BAALC: variants seen among roughly 807,000 people sequenced by gnomAD.
BAALC encodes the protein brain and acute leukemia cytoplasmic protein.
Under a neutral mutation model 15.5 loss-of-function variants are expected in BAALC, and 9 were observed. The observed-to-expected ratio is 0.58, with a 90% CI of 0.35 to 1.02. BAALC has a LOEUF of 1.02. BAALC is among the 50% of genes least tolerant of loss of function. The pLI, the probability that BAALC is intolerant of heterozygous loss-of-function variation, is 0.02. For missense variants in BAALC, 201 were observed against 192.4 expected (o/e 1.04, Z -0.27); for synonymous variants, 80 against 74.6 (o/e 1.07, Z -0.37).
chr8:103,200,576 G>A, intron 1 of BAALC: 1 of 490,276 alleles, frequency 2.0e-6, no homozygotes, highest in Admixed American at 2.7e-5. Flanking sequence ...AAAGACAACA[G>A]GGACTGTCTT....
chr8:103,170,562 A>G (rs1196753541), intron 1 of BAALC, among the ~76,000 whole-genome samples: 1 of 152,194 alleles, frequency 6.6e-6, no homozygotes, highest in Non-Finnish European at 1.5e-5. Context: ...TGCATCTACA[A>G]ACCAAGGAAC....
intron 1 of BAALC, among the ~76,000 whole-genome samples, chr8:103,189,330 C>T (rs369309259): frequency 6.0e-4 from 91 of 152,202 alleles, no homozygotes; most frequent in African/African-American, 1.4e-3. Flanking sequence ...TCAAACTGTG[C>T]GAGAATTTTC....
intron 1 of BAALC, chr8:103,183,298 G>A (rs1811766156): frequency 1.4e-6 from 1 of 699,160 alleles, no homozygotes; most frequent in African/African-American, 1.8e-5. Context: ...GAAAAACATG[G>A]AATGTCTTAT....
In BAALC at chr8:103,140,954, G is replaced by T; in HGVS notation, c.57G>T (p.Trp19Cys). The T allele has an allele frequency of 6.5e-7, 1 of 1,541,138 alleles. No homozygotes were observed. The highest frequency in any genetic ancestry group is 8.7e-7 in the Non-Finnish European group (1 of 1,144,796). Residue 19 changes from tryptophan (W) to cysteine (C), a missense_variant, in exon 1 of 3, where the codon TGG (tryptophan) becomes TGT (cysteine). Trp to Cys is a radical substitution (Grantham distance 215, BLOSUM62 -2). Coordinates refer to ENST00000309982, the MANE Select transcript of BAALC (RefSeq NM_024812.3). The surrounding 1 kb of genome is among the most constrained non-coding windows in gnomAD (Gnocchi z 4.2). ...DAIEPRYYESWTRETESTWLT... is the reference protein window; with the variant it reads ...DAIEPRYYESCTRETESTWLT... ...TCGAGCCCCGCTACTACGAGAGCTG[G>T]ACCCGGGAGACAGAATCCACCTGGC...
intron 1 of BAALC, among the ~76,000 whole-genome samples, chr8:103,157,604 A>G (rs1381491352): frequency 1.3e-5 from 2 of 152,166 alleles, no homozygotes; most frequent in Non-Finnish European, 2.9e-5. Flanking sequence ...GCCTATGAGT[A>G]TGAGACCGTC....
chr8:103,196,315 C>A (rs765707414), intron 1 of BAALC, among the ~76,000 whole-genome samples: 1 of 152,180 alleles, frequency 6.6e-6, no homozygotes, highest in Admixed American at 6.5e-5. Context: ...GGGTCTCATT[C>A]TGTTGCCCAG....
At chr8:103,161,015 T>C (rs1811213140) in intron 1 of BAALC, among the ~76,000 whole-genome samples, 1 of 152,202 alleles carries the variant, frequency 6.6e-6, no homozygotes, top group Admixed American at 6.5e-5. Flanking sequence ...TGACACTCAG[T>C]ATTAACCATC....
At chr8:103,221,334 G>A (rs1164177253) in intron 2 of BAALC, among the ~76,000 whole-genome samples, 3 of 152,154 alleles carry the variant, frequency 2.0e-5, no homozygotes, top group Non-Finnish European at 4.4e-5. Flanking sequence ...GCCAGAGGTG[G>A]CCCATTAACA....
chr8:103,160,476 G>A (rs1811200732), intron 1 of BAALC, among the ~76,000 whole-genome samples: 3 of 152,146 alleles, frequency 2.0e-5, no homozygotes, highest in Non-Finnish European at 4.4e-5. Flanking sequence ...TGTGATTACT[G>A]AAAATGTTTT....
In BAALC at chr8:103,140,819, C is replaced by A; in HGVS notation, c.-79C>A. 8.0e-7 allele frequency: 1 copy of A among 1,248,436 alleles called. No individual in the cohort carries two copies. The highest frequency in any genetic ancestry group is 3.4e-5 in the East Asian group (1 of 29,210). 77.3% of individuals were successfully genotyped at this position (1,248,436 alleles called of 1,614,324 possible). A position where few individuals can be genotyped will look rare whatever the true frequency, so the allele number is the denominator to read the frequency against. ...TCGCCGCCGCCGCCTCCTTGCGGGCCGGGGCTGCGCCTCCGGGGCTGAGCC... is the reference window on the plus strand; with the variant it reads ...TCGCCGCCGCCGCCTCCTTGCGGGCAGGGGCTGCGCCTCCGGGGCTGAGCC... On this transcript the variant is annotated 5_prime_UTR_variant, in exon 1 of 3. Transcript: ENST00000309982. This position sits in a 1 kb window ranked among gnomAD's most constrained non-coding sequence, Gnocchi z 4.2.
chr8:103,154,013 C>T (rs928543403), intron 1 of BAALC, among the ~76,000 whole-genome samples: 2 of 152,094 alleles, frequency 1.3e-5, no homozygotes, highest in African/African-American at 2.4e-5. Flanking sequence ...TGTTTGAAAC[C>T]GAGGCCTCAT....
At chr8:103,200,789 C>G (rs1381274580) in intron 1 of BAALC, 1 of 675,662 alleles carries the variant, frequency 1.5e-6, no homozygotes, top group East Asian at 2.7e-5. Context: ...CCTTCAACCT[C>G]TTTTATAAGG....
At chr8:103,199,358 G>C (rs1424219245) in intron 1 of BAALC, among the ~76,000 whole-genome samples, 2 of 152,072 alleles carry the variant, frequency 1.3e-5, no homozygotes, top group African/African-American at 4.8e-5. Context: ...GGTAAGAAAT[G>C]ATATATTATT....
chr8:103,205,318 G>C (rs1812303645), intron 1 of BAALC, among the ~76,000 whole-genome samples: 1 of 152,078 alleles, frequency 6.6e-6, no homozygotes, highest in Non-Finnish European at 1.5e-5. Context: ...AGCAAGCTGT[G>C]GACACAGCTA....
At chr8:103,204,338 T>C (rs1451577839) in intron 1 of BAALC, among the ~76,000 whole-genome samples, 1 of 152,252 alleles carries the variant, frequency 6.6e-6, no homozygotes, top group African/African-American at 2.4e-5. Flanking sequence ...AATATATAAT[T>C]TGTAAACTTT....
rs780954039 is a variant in BAALC at position 103,141,011 on chromosome 8, C to T, written c.114C>T (p.Ser38=). Residue 38 remains serine, a synonymous_variant, in exon 1 of 3, where the codon AGC becomes AGT. Coordinates refer to ENST00000309982, the MANE Select transcript of BAALC (RefSeq NM_024812.3). ...ACACCGACTCGGACGCGCCGCCCAG[C>T]GCCGCCGCCCCGGACAGCGGCCCCG... ...LTYTDSDAPP[S]AAAPDSGPEA... 3 of 1,521,848 alleles carry T rather than the reference C, an allele frequency of 2.0e-6. No individual in the cohort carries two copies. Among genetic ancestry groups the T allele is most frequent in the Admixed American group, 2.1e-5 (1 of 47,944 alleles). 94.3% of individuals were successfully genotyped at this position (1,521,848 alleles called of 1,614,324 possible).
intron 1 of BAALC, among the ~76,000 whole-genome samples, chr8:103,154,234 G>A (rs1452040482): frequency 6.6e-6 from 1 of 152,086 alleles, no homozygotes; most frequent in Non-Finnish European, 1.5e-5. Context: ...TACAGAAGGG[G>A]GTAGTCAGAG....
chr8:103,143,561 A>G (rs1052259623), intron 1 of BAALC, among the ~76,000 whole-genome samples: 7 of 152,228 alleles, frequency 4.6e-5, no homozygotes, highest in African/African-American at 1.4e-4. Flanking sequence ...CACGTGAGTC[A>G]AATGAGACTC....
chr8:103,149,052 G>A (rs1657019135), intron 1 of BAALC, among the ~76,000 whole-genome samples: 1 of 152,214 alleles, frequency 6.6e-6, no homozygotes, highest in South Asian at 2.1e-4. Context: ...GAGATGAAGA[G>A]ACTGAGCCAG....
Sources: allele counts gnomAD v4.1 joint callset (sites outside exome capture counted in the v4.1 genomes callset), GRCh38; gene constraint gnomAD v4.1.1; non-coding constraint Gnocchi (gnomAD v3.1); transcripts MANE v1.5; gene names NCBI Gene and HGNC (gene_info 2026-07-23, HGNC 2026-07-21).